The following C9 variants were observed in gnomAD, a reference collection of about 807,000 sequenced individuals.
The protein encoded by C9 is complement C9.
Under a neutral mutation model 65.4 loss-of-function variants are expected in C9, and 63 were observed. The ratio of observed to expected loss-of-function variants is 0.96; its 90% confidence interval spans 0.79 to 1.19. The LOEUF (loss-of-function observed/expected upper bound fraction) is 1.19, where lower values mean the gene tolerates loss of function less well. Ranked by LOEUF, C9 falls within the 50% of genes most tolerant of loss-of-function variation. The pLI is 0.00. For synonymous variants in C9, 229 were observed against 227.9 expected (o/e 1.00, Z -0.04); for missense variants, 744 against 670.1 (o/e 1.11, Z -1.22).
chr5:39,321,005 A>G (rs994566702), intron 5 of C9, among the ~76,000 whole-genome samples: 2 of 152,136 alleles, frequency 1.3e-5, no homozygotes, highest in Non-Finnish European at 2.9e-5. Flanking sequence ...TTACCTCTAG[A>G]CCTTCCTATA....
intron 6 of C9, among the ~76,000 whole-genome samples, chr5:39,313,238 C>A (rs982741294): frequency 6.6e-6 from 1 of 152,142 alleles, no homozygotes; most frequent in Admixed American, 6.6e-5. Flanking sequence ...GTTTTCTATA[C>A]TGTATATTTT....
At chr5:39,345,966 A>C (rs967307465) in intron 1 of C9, among the ~76,000 whole-genome samples, 3 of 152,346 alleles carry the variant, frequency 2.0e-5, no homozygotes, top group African/African-American at 7.2e-5. Context: ...TGTTCTTTGA[A>C]ACCAATGAGA....
intron 1 of C9, among the ~76,000 whole-genome samples, chr5:39,358,127 C>T (rs889194455): frequency 2.2e-4 from 34 of 152,080 alleles, no homozygotes; most frequent in African/African-American, 7.5e-4. Flanking sequence ...CCATGAGAAC[C>T]GCTCAGCTGA....
intron 9 of C9, among the ~76,000 whole-genome samples, chr5:39,300,527 A>G (rs1437693395): frequency 6.6e-6 from 1 of 152,146 alleles, no homozygotes; most frequent in Non-Finnish European, 1.5e-5. Context: ...GACACAAACA[A>G]ATTGAGAAAA....
At chr5:39,341,068 T>TA in intron 4 of C9, 78 bp downstream of exon 4, 1 of 1,492,354 alleles carries the variant, frequency 6.7e-7, no homozygotes, top group East Asian at 2.3e-5. Flanking sequence ...CAAATGCTTC[T>TA]ACCAGTCTAT....
intron 9 of C9, among the ~76,000 whole-genome samples, chr5:39,289,219 C>CAA (rs544985966): frequency 7.0e-6 from 1 of 143,252 alleles, no homozygotes; most frequent in Non-Finnish European, 1.5e-5. Flanking sequence ...ATAGGTGCTA[C>CAA]AAAAAAAAAA....
At chr5:39,299,391 A>G (rs1325215769) in intron 9 of C9, among the ~76,000 whole-genome samples, 2 of 152,130 alleles carry the variant, frequency 1.3e-5, no homozygotes, top group Non-Finnish European at 2.9e-5. Flanking sequence ...TTTATTCATA[A>G]TCACCAAAAA....
intron 4 of C9, among the ~76,000 whole-genome samples, chr5:39,336,081 A>G (rs1403858498): frequency 6.6e-6 from 1 of 152,224 alleles, no homozygotes; most frequent in Non-Finnish European, 1.5e-5. Flanking sequence ...GTACTTTAAC[A>G]TATAATTATT....
At chr5:39,360,340 C>A (rs1216267345) in intron 1 of C9, among the ~76,000 whole-genome samples, 2 of 152,054 alleles carry the variant, frequency 1.3e-5, no homozygotes, top group African/African-American at 2.4e-5. Flanking sequence ...GATTAGACAG[C>A]AGCTACTTGG....
At position 39,315,872 on chromosome 5, in the gene C9, G is replaced by A. The variant is rs561709823; in HGVS notation, c.773C>T (p.Thr258Ile). Residue 258 changes from threonine (T) to isoleucine (I), a missense_variant, in exon 6 of 11, where the codon ACA (threonine) becomes ATA (isoleucine). Transcript: ENST00000263408. ...TNKAEQCCEETASSISLHGKG... is the reference protein window; with the variant it reads ...TNKAEQCCEEIASSISLHGKG... The stretch of plus-strand genomic sequence containing the variant: ...GCCATGTAAAGAAATTGAGGAGGCT[G>A]TTTCCTCACAACATTGTTCAGCTTT... 46 of 1,612,858 alleles carry A rather than the reference G, an allele frequency of 2.9e-5. No individual in the cohort carries two copies. The East Asian group carries it at 9.8e-4, about 34-fold the overall frequency.
chr5:39,311,255 T>C lies in C9; in HGVS notation c.993A>G (p.Glu331=). The C allele has an allele frequency of 2.5e-6, 4 of 1,613,886 alleles. No homozygotes were observed. Among genetic ancestry groups the C allele is most frequent in the Non-Finnish European group, 3.4e-6 (4 of 1,179,812 alleles). The change falls in exon 7 of 11, where the codon GAA becomes GAG. Residue 331 remains glutamate, a synonymous_variant. Coordinates refer to ENST00000263408, the MANE Select transcript of C9 (RefSeq NM_001737.5). The part of the protein sequence containing the change: ...DDIKALPTTY[E]KGEYFAFLET... Reference sequence around the variant, plus strand: ...CCAAAAAGGCAAAATATTCTCCCTTTTCATAGGTAGTTGGCAAAGCTTTTA... The same window carrying C: ...CCAAAAAGGCAAAATATTCTCCCTTCTCATAGGTAGTTGGCAAAGCTTTTA...
Position 39,315,947 on chromosome 5 carries a change from G to GCATAAAA in C9, c.697_698insTTTTATG (p.Ser233PhefsTer6), listed in dbSNP as rs767488401. On this transcript the variant is annotated frameshift_variant, in exon 6 of 11. Coordinates refer to ENST00000263408, the MANE Select transcript of C9 (RefSeq NM_001737.5). LOFTEE classifies it high-confidence loss of function. ...TAGAGATATAGCTGCATTAAAATTT[G>GCATAAAA]ATGTCTTCTCTTGGATGATACTTTT... 1.9e-5 allele frequency: 31 copies of GCATAAAA among 1,609,138 alleles called. No individual in the cohort carries two copies. The highest frequency in any genetic ancestry group is 1.6e-4 in the Middle Eastern group (1 of 6,070).
At chr5:39,334,301 G>T (rs1354772860) in intron 4 of C9, among the ~76,000 whole-genome samples, 1 of 147,754 alleles carries the variant, frequency 6.8e-6, no homozygotes, top group African/African-American at 2.6e-5. Context: ...CTGCCCGGCC[G>T]CAACCCCGTC....
At chr5:39,329,834 G>T (rs1753812009) in intron 5 of C9, among the ~76,000 whole-genome samples, 1 of 152,130 alleles carries the variant, frequency 6.6e-6, no homozygotes, top group Admixed American at 6.5e-5. Context: ...TCATTAAGTA[G>T]TAGGAATTAA....
intron 5 of C9, among the ~76,000 whole-genome samples, chr5:39,318,878 C>A (rs1223774916): frequency 6.6e-6 from 1 of 152,172 alleles, no homozygotes; most frequent in Non-Finnish European, 1.5e-5. Flanking sequence ...CTACTTAGAT[C>A]TTTCTAATGT....
At chr5:39,313,605 A>G (rs560673922) in intron 6 of C9, among the ~76,000 whole-genome samples, 26 of 152,330 alleles carry the variant, frequency 1.7e-4, no homozygotes, top group African/African-American at 6.0e-4. Context: ...AGCGATGCTG[A>G]TGCTGCTGTT....
intron 9 of C9, among the ~76,000 whole-genome samples, chr5:39,301,094 G>A (rs1753272150): frequency 1.3e-5 from 2 of 152,066 alleles, no homozygotes; most frequent in Non-Finnish European, 2.9e-5. Flanking sequence ...ACTAACTATA[G>A]TGAATAGAAA....
chr5:39,293,311 T>C (rs1010462619), intron 9 of C9, among the ~76,000 whole-genome samples: 7 of 151,894 alleles, frequency 4.6e-5, no homozygotes, highest in Admixed American at 4.6e-4. Flanking sequence ...ATGTTCCCTA[T>C]AAGAAACTCA....
chr5:39,354,336 T>A (rs1754377382), intron 1 of C9, among the ~76,000 whole-genome samples: 1 of 152,190 alleles, frequency 6.6e-6, no homozygotes, highest in African/African-American at 2.4e-5. Flanking sequence ...TCATAATCCT[T>A]AGATATTAAA....
Sources: allele counts gnomAD v4.1 joint callset (sites outside exome capture counted in the v4.1 genomes callset), GRCh38; gene constraint gnomAD v4.1.1; transcripts MANE v1.5; gene names NCBI Gene and HGNC (gene_info 2026-07-23, HGNC 2026-07-21).